PIKFYVE: variants seen among roughly 807,000 people sequenced by gnomAD.
PIKFYVE encodes phosphoinositide kinase, FYVE-type zinc finger containing, also known as 1-phosphatidylinositol 3-phosphate 5-kinase.
A neutral mutation model predicts 257.9 loss-of-function variants in PIKFYVE; 122 were observed. That is an observed-to-expected ratio of 0.47 (90% CI 0.41 to 0.55). The LOEUF (loss-of-function observed/expected upper bound fraction) is 0.55. PIKFYVE is among the 20% of genes least tolerant of loss of function. The pLI is 0.00. For missense variants in PIKFYVE, 2,160 were observed against 2,536.6 expected (o/e 0.85, Z 3.19); for synonymous variants, 892 against 868.9 (o/e 1.03, Z -0.47).
intron 30 of PIKFYVE, 62 bp downstream of exon 30, chr2:208,339,617 A>T: frequency 6.4e-7 from 1 of 1,572,648 alleles, no homozygotes; most frequent in Non-Finnish European, 8.7e-7. Context: ...TATATCATTG[A>T]TTTACATGAA....
chr2:208,329,837 T>C lies in PIKFYVE; in HGVS notation c.3720-5T>C. The C allele has an allele frequency of 1.2e-6, 2 of 1,610,678 alleles. No individual in the cohort carries two copies. Among genetic ancestry groups the C allele is most frequent in the Non-Finnish European group, 1.7e-6 (2 of 1,177,704 alleles). ...TATGTTTCTAAGAGGTGGTCTCTTC[T>C]TTAGGATTGTAACAATGGAATTTTA... On this transcript the variant is annotated splice_polypyrimidine_tract_variant and splice_region_variant and intron_variant, in intron 21 of 41. Transcript: ENST00000264380.
At chr2:208,323,523 G>A (rs1696554197) in intron 17 of PIKFYVE, among the ~76,000 whole-genome samples, 1 of 152,056 alleles carries the variant, frequency 6.6e-6, no homozygotes, top group Non-Finnish European at 1.5e-5. Context: ...TTGGACATTT[G>A]GGTTGGTTCC....
At position 208,315,887 on chromosome 2, in the gene PIKFYVE, T is replaced by C. The variant is rs1695454116; in HGVS notation, c.2007+514T>C. Among the ~76,000 whole-genome samples the C allele has an allele frequency of 2.0e-5, 3 of 151,962 alleles. No individual in the cohort carries two copies. In the South Asian group the frequency reaches 6.2e-4, roughly 32 times the overall value. On this transcript the variant is annotated intron_variant, in intron 15 of 41. Transcript: ENST00000264380. Reference sequence around the variant, plus strand: ...TGTCTCTTTCTTTTTTTTTAATTATTATTATACTTTAAGTTTTAGGGTACA... The same window carrying C: ...TGTCTCTTTCTTTTTTTTTAATTATCATTATACTTTAAGTTTTAGGGTACA...
intron 38 of PIKFYVE, 110 bp from the exon 39 acceptor site, chr2:208,352,544 C>A: frequency 7.8e-7 from 1 of 1,288,588 alleles, no homozygotes; most frequent in Non-Finnish European, 1.1e-6. Context: ...GTCCTTTGGT[C>A]ATATTAATAG....
At chr2:208,297,515 A>G (rs763639340) in intron 7 of PIKFYVE, among the ~76,000 whole-genome samples, 14 of 152,188 alleles carry the variant, frequency 9.2e-5, no homozygotes, top group African/African-American at 2.4e-4. Context: ...TGGTTTTTCA[A>G]TTGACACCTA....
In PIKFYVE at chr2:208,304,879, G is replaced by T; in HGVS notation, c.1502G>T (p.Ser501Ile). The stretch of plus-strand genomic sequence containing the variant: ...AGTCCTAGCAAGCGCACATCAGTCA[G>T]CAGTTTCCAGTCCACAGTGGACAGT... ...SASPSKRTSV[S>I]SFQSTVDSDS... The change falls in exon 12 of 42, where the codon AGC becomes ATC. Residue 501 changes from serine to isoleucine, a missense_variant. Ser to Ile is a moderately radical substitution (Grantham distance 142). Coordinates refer to ENST00000264380, the MANE Select transcript of PIKFYVE (RefSeq NM_015040.4). 1 of 1,614,130 alleles carries T rather than the reference G, an allele frequency of 6.2e-7. No homozygotes were observed. Among genetic ancestry groups the T allele is most frequent in the Non-Finnish European group, 8.5e-7 (1 of 1,180,002 alleles).
chr2:208,287,298 T>A (rs945303346), intron 6 of PIKFYVE, among the ~76,000 whole-genome samples: 4 of 151,566 alleles, frequency 2.6e-5, no homozygotes, highest in African/African-American at 9.7e-5. Context: ...AGACAGAGTT[T>A]TTTTTGCTCT....
At chr2:208,267,651 C>A (rs1227411436) in intron 1 of PIKFYVE, among the ~76,000 whole-genome samples, 1 of 151,796 alleles carries the variant, frequency 6.6e-6, no homozygotes, top group Non-Finnish European at 1.5e-5. Context: ...AGATTGCAGG[C>A]GCGCGACACC....
chr2:208,284,700 AT>A (rs1401169969), intron 5 of PIKFYVE, among the ~76,000 whole-genome samples: 3 of 152,022 alleles, frequency 2.0e-5, no homozygotes, highest in Non-Finnish European at 4.4e-5. Flanking sequence ...CCTTAATAAT[AT>A]TTTCCTCCTT....
At chr2:208,267,236 T>C (rs971906796) in intron 1 of PIKFYVE, among the ~76,000 whole-genome samples, 42 of 3,052 alleles carry the variant, frequency 0.014, no homozygotes, top group African/African-American at 0.065. Flanking sequence ...TCTGATTTAT[T>C]TGAGCCCCTT....
rs1484799821 is a variant in PIKFYVE at position 208,276,836 on chromosome 2, G to C, written c.441+6G>C. On this transcript the variant is annotated splice_donor_region_variant and intron_variant, in intron 4 of 41. Transcript: ENST00000264380. Reference sequence around the variant, plus strand: ...TCATGGAGGGGAAAAGCCAGGTACTGTCTAGAGGCTTTGGAAGATTACTTA... The same window carrying C: ...TCATGGAGGGGAAAAGCCAGGTACTCTCTAGAGGCTTTGGAAGATTACTTA... 1 of 1,603,332 alleles carries C rather than the reference G, an allele frequency of 6.2e-7. No homozygotes were observed. Among genetic ancestry groups the C allele is most frequent in the South Asian group, 1.1e-5 (1 of 90,762 alleles).
At chr2:208,268,322 T>A (rs1344299548) in intron 1 of PIKFYVE, among the ~76,000 whole-genome samples, 1 of 152,112 alleles carries the variant, frequency 6.6e-6, no homozygotes, top group East Asian at 1.9e-4. Flanking sequence ...TTAGGCAGAA[T>A]GTCATCTCTG....
At chr2:208,284,821 G>T (rs889219644) in intron 5 of PIKFYVE, among the ~76,000 whole-genome samples, 8 of 151,770 alleles carry the variant, frequency 5.3e-5, no homozygotes, top group Admixed American at 6.6e-5. Context: ...TCTTTTTTAA[G>T]ATTTTATTTT....
chr2:208,314,433 T>C lies in PIKFYVE; in HGVS notation c.1826+10T>C. 3.1e-6 allele frequency: 5 copies of C among 1,612,426 alleles called. No homozygotes were observed. The highest frequency in any genetic ancestry group is 3.4e-6 in the Non-Finnish European group (4 of 1,179,034). ...CCATGGAGAGGTTGCTGTAAGGCAA[T>C]GAAATTTTTAATTTTAATTTTTCAC... On this transcript the variant is annotated intron_variant, in intron 14 of 41. Coordinates refer to ENST00000264380, the MANE Select transcript of PIKFYVE (RefSeq NM_015040.4).
intron 41 of PIKFYVE, 76 bp downstream of exon 41, chr2:208,354,721 CTTTTT>C (rs1366738285): frequency 1.7e-6 from 2 of 1,160,812 alleles, no homozygotes; most frequent in Non-Finnish European, 2.6e-6. Context: ...GATACTGATT[CTTTTT>C]TTTAGTTGTA....
At chr2:208,349,221 A>C (rs1220875637) in intron 35 of PIKFYVE, among the ~76,000 whole-genome samples, 2 of 152,172 alleles carry the variant, frequency 1.3e-5, no homozygotes, top group African/African-American at 4.8e-5. Context: ...ATATCTGTTT[A>C]GTATTCTATA....
chr2:208,304,719 T>C, intron 11 of PIKFYVE, 127 bp from the exon 12 acceptor site: 1 of 838,538 alleles, frequency 1.2e-6, no homozygotes, highest in Non-Finnish European at 2.0e-6. Flanking sequence ...ACTGTATCCA[T>C]TTTGGTATTG....
At chr2:208,330,732 A>C (rs1338872662) in intron 23 of PIKFYVE, 38 bp downstream of exon 23, 3 of 1,565,308 alleles carry the variant, frequency 1.9e-6, no homozygotes, top group Non-Finnish European at 2.6e-6. Context: ...TTTGCCATTT[A>C]TTTCTTTATT....
chr2:208,318,585 G>C (rs11691208), intron 16 of PIKFYVE, among the ~76,000 whole-genome samples: 141,636 of 152,286 alleles, frequency 0.93, 66,393 homozygotes, highest in Non-Finnish European at 0.98. Flanking sequence ...AAAAATGTCT[G>C]TTCTTAACCT....
Sources: allele counts gnomAD v4.1 joint callset (sites outside exome capture counted in the v4.1 genomes callset), GRCh38; gene constraint gnomAD v4.1.1; transcripts MANE v1.5; gene names NCBI Gene and HGNC (gene_info 2026-07-23, HGNC 2026-07-21).